Variants in ABCA13 observed in about 807,000 individuals in gnomAD.
ABCA13 encodes the protein ATP-binding cassette sub-family A member 13.
Under a neutral mutation model 478.7 loss-of-function variants are expected in ABCA13, and 476 were observed. The observed-to-expected ratio is 0.99, with a 90% CI of 0.92 to 1.07. The LOEUF (loss-of-function observed/expected upper bound fraction) is 1.07. ABCA13 is among the 50% of genes least tolerant of loss of function. The probability of loss-of-function intolerance (pLI) is 0.00; values close to 1 mark genes in which losing one functional copy is unlikely to be tolerated. For synonymous variants in ABCA13, 2,252 were observed against 2,158.9 expected (o/e 1.04, Z -1.20); for missense variants, 6,060 against 5,910.6 (o/e 1.03, Z -0.83).
chr7:48,563,254 G>A (rs914139119), intron 55 of ABCA13, among the ~76,000 whole-genome samples: 19 of 149,994 alleles, frequency 1.3e-4, no homozygotes, highest in African/African-American at 4.7e-4. Flanking sequence ...CAGTGAGAAG[G>A]AGTTGTTCTT....
At chr7:48,370,575 C>T (rs561958013) in intron 32 of ABCA13, among the ~76,000 whole-genome samples, 20 of 152,134 alleles carry the variant, frequency 1.3e-4, no homozygotes, top group African/African-American at 4.6e-4. Flanking sequence ...TGGAAATCAA[C>T]TACAAAAAGA....
At chr7:48,549,869 A>T (rs1785150694) in intron 55 of ABCA13, among the ~76,000 whole-genome samples, 1 of 151,838 alleles carries the variant, frequency 6.6e-6, no homozygotes, top group Non-Finnish European at 1.5e-5. Flanking sequence ...TCTTTTGAGA[A>T]ATGTCTGTTC....
intron 59 of ABCA13, among the ~76,000 whole-genome samples, chr7:48,643,066 A>AT (rs926495733): frequency 6.6e-6 from 1 of 151,984 alleles, no homozygotes; most frequent in South Asian, 2.1e-4. Context: ...CTTGCTGATA[A>AT]TTTTTTTAAG....
chr7:48,188,471 A>G (rs150239247), intron 1 of ABCA13, among the ~76,000 whole-genome samples: 140,507 of 152,238 alleles, frequency 0.92, 65,612 homozygotes, highest in Non-Finnish European at 0.99. Flanking sequence ...CACCAGGATT[A>G]TGAGGGGACA....
chr7:48,344,962 G>C (rs1457617591), intron 29 of ABCA13, among the ~76,000 whole-genome samples: 1 of 152,198 alleles, frequency 6.6e-6, no homozygotes, highest in Non-Finnish European at 1.5e-5. Context: ...TAAGACCTAA[G>C]AGTTTTTGTG....
intron 3 of ABCA13, among the ~76,000 whole-genome samples, chr7:48,211,819 G>A (rs1352386400): frequency 5.9e-5 from 9 of 151,892 alleles, no homozygotes; most frequent in Admixed American, 5.2e-4. Context: ...ATTTTACAGT[G>A]GCTGAACTGG....
rs949630331 is a variant in ABCA13, at chr7:48,274,345, G to T, written c.4679G>T (p.Gly1560Val). 1.3e-5 allele frequency: 21 copies of T among 1,613,220 alleles called. No homozygotes were observed. The highest frequency in any genetic ancestry group is 1.7e-5 in the Non-Finnish European group (20 of 1,179,712). ...LGKEFQKLVK[G>V]IYFNILENNS... Reference sequence around the variant, plus strand: ...AAGGAATTTCAGAAGCTTGTAAAAGGTATTTACTTTAACATCCTGGAAAAT... The same window carrying T: ...AAGGAATTTCAGAAGCTTGTAAAAGTTATTTACTTTAACATCCTGGAAAAT... The change falls in exon 17 of 62, where the codon GGT becomes GTT. Residue 1560 changes from glycine (G) to valine (V), a missense_variant. Physicochemically the swap from Gly to Val is moderately radical, Grantham distance 109. Coordinates refer to ENST00000435803, the MANE Select transcript of ABCA13 (RefSeq NM_152701.5).
chr7:48,215,052 T>C (rs2128952518), intron 3 of ABCA13, among the ~76,000 whole-genome samples: 1 of 152,132 alleles, frequency 6.6e-6, no homozygotes. Context: ...GAGGTGGAGG[T>C]TGCAGTGAGC....
At chr7:48,339,043 A>G (rs1398675891) in intron 29 of ABCA13, among the ~76,000 whole-genome samples, 1 of 152,194 alleles carries the variant, frequency 6.6e-6, no homozygotes, top group Admixed American at 6.5e-5. Context: ...TGGCAAAATC[A>G]GCGATCAGGG....
intron 47 of ABCA13, among the ~76,000 whole-genome samples, chr7:48,484,142 T>A (rs1829059302): frequency 6.6e-6 from 1 of 152,198 alleles, no homozygotes; most frequent in Non-Finnish European, 1.5e-5. Context: ...GGAGGTTTAT[T>A]CAGTGAAATA....
chr7:48,330,182 C>T (rs182636741), intron 27 of ABCA13, among the ~76,000 whole-genome samples: 4 of 151,228 alleles, frequency 2.6e-5, no homozygotes, highest in Admixed American at 1.3e-4. Context: ...TCCATCCATC[C>T]GTCCATTAAT....
At chr7:48,393,536 G>T (rs1427858106) in intron 38 of ABCA13, among the ~76,000 whole-genome samples, 1 of 152,178 alleles carries the variant, frequency 6.6e-6, no homozygotes, top group Non-Finnish European at 1.5e-5. Flanking sequence ...CAATATTTTT[G>T]CAAGCTTTAC....
chr7:48,271,082 C>T (rs1287914341), intron 16 of ABCA13, among the ~76,000 whole-genome samples: 1 of 152,170 alleles, frequency 6.6e-6, no homozygotes, highest in Non-Finnish European at 1.5e-5. Flanking sequence ...ATACCTGTAT[C>T]ATGCTACATT....
chr7:48,216,145 G>A (rs538506855), intron 3 of ABCA13, among the ~76,000 whole-genome samples: 19 of 152,068 alleles, frequency 1.2e-4, no homozygotes, highest in Non-Finnish European at 2.2e-4. Flanking sequence ...ATAGCTCTAC[G>A]TCTAACATTT....
chr7:48,421,730 A>G (rs1378490106), intron 41 of ABCA13, among the ~76,000 whole-genome samples: 2 of 152,222 alleles, frequency 1.3e-5, no homozygotes, highest in Non-Finnish European at 2.9e-5. Flanking sequence ...TGGATAAAGT[A>G]AAAGATCCAC....
At chr7:48,585,632 A>C (rs1789106653) in intron 56 of ABCA13, among the ~76,000 whole-genome samples, 1 of 152,120 alleles carries the variant, frequency 6.6e-6, no homozygotes, top group African/African-American at 2.4e-5. Flanking sequence ...CCTAACTTTT[A>C]TGTACTTGTC....
chr7:48,225,463 T>C (rs772106366), intron 5 of ABCA13, among the ~76,000 whole-genome samples: 4 of 152,202 alleles, frequency 2.6e-5, no homozygotes, highest in South Asian at 2.1e-4. Flanking sequence ...AAATTAACAC[T>C]AATACAATAG....
chr7:48,451,161 C>T (rs1824979775), intron 42 of ABCA13, among the ~76,000 whole-genome samples: 1 of 151,872 alleles, frequency 6.6e-6, no homozygotes, highest in African/African-American at 2.4e-5. Context: ...CCATGCCTGG[C>T]TAATTTTTGT....
chr7:48,434,844 A>G (rs186172994), intron 42 of ABCA13, among the ~76,000 whole-genome samples: 41 of 151,830 alleles, frequency 2.7e-4, no homozygotes, highest in Admixed American at 1.9e-3. Context: ...TGAGTTCTCT[A>G]TTTTATTCCA....
Sources: allele counts gnomAD v4.1 joint callset (sites outside exome capture counted in the v4.1 genomes callset), GRCh38; gene constraint gnomAD v4.1.1; transcripts MANE v1.5; gene names NCBI Gene and HGNC (gene_info 2026-07-23, HGNC 2026-07-21).